DNAAF11: variants seen among roughly 807,000 people sequenced by gnomAD.
DNAAF11 encodes the protein dynein axonemal assembly factor 11, also known as leucine rich repeat containing 6.
Under a neutral mutation model 60.8 loss-of-function variants are expected in DNAAF11, and 45 were observed. That is an observed-to-expected ratio of 0.74 (90% CI 0.58 to 0.95). DNAAF11 has a LOEUF of 0.95. Among genes scored for constraint, DNAAF11 ranks in the 40% least tolerant of loss-of-function variants. DNAAF11 has a pLI of 0.00. For missense variants in DNAAF11, 546 were observed against 546.2 expected (o/e 1.00, Z 0.00); for synonymous variants, 191 against 183.5 (o/e 1.04, Z -0.33).
intron 2 of DNAAF11, among the ~76,000 whole-genome samples, chr8:132,657,770 T>C (rs1487873720): frequency 6.6e-6 from 1 of 152,194 alleles, no homozygotes; most frequent in African/African-American, 2.4e-5. Flanking sequence ...ATTTAGTATA[T>C]ATTACCTTAT....
intron 10 of DNAAF11, among the ~76,000 whole-genome samples, chr8:132,597,635 G>C (rs576579848): frequency 6.6e-6 from 1 of 152,250 alleles, no homozygotes; most frequent in South Asian, 2.1e-4. Flanking sequence ...TGCCAGGCAA[G>C]GTTTTAGAGA....
intron 11 of DNAAF11, among the ~76,000 whole-genome samples, chr8:132,576,839 C>T (rs1814799986): frequency 6.6e-6 from 1 of 152,094 alleles, no homozygotes; most frequent in South Asian, 2.1e-4. Flanking sequence ...ATCACTGAGC[C>T]CCCGCATCCC....
chr8:132,604,334 T>G (rs1817929561), intron 10 of DNAAF11, among the ~76,000 whole-genome samples: 3 of 152,208 alleles, frequency 2.0e-5, no homozygotes, highest in Non-Finnish European at 2.9e-5. Context: ...TCTGTATTAT[T>G]GACCTTAATA....
At chr8:132,607,131 G>A (rs1818214189) in intron 10 of DNAAF11, among the ~76,000 whole-genome samples, 1 of 152,148 alleles carries the variant, frequency 6.6e-6, no homozygotes, top group African/African-American at 2.4e-5. Flanking sequence ...CTCCATTCCT[G>A]GTAAGTGCTC....
At chr8:132,589,891 A>G (rs1816283202) in intron 10 of DNAAF11, among the ~76,000 whole-genome samples, 2 of 152,222 alleles carry the variant, frequency 1.3e-5, no homozygotes, top group Non-Finnish European at 1.5e-5. Flanking sequence ...CAAGTGCCCC[A>G]GAGTGGAAGA....
the DNAAF11 span, among the ~76,000 whole-genome samples, chr8:132,700,537 A>AAG: frequency 6.6e-6 from 1 of 151,850 alleles, no homozygotes. Context: ...AAAAAAAAAA[A>AAG]ATTAGCCAGA....
At chr8:132,691,069 G>A in the DNAAF11 span, among the ~76,000 whole-genome samples, 7 of 150,112 alleles carry the variant, frequency 4.7e-5, no homozygotes, top group East Asian at 5.8e-4. Flanking sequence ...CCACACTTAA[G>A]GAGTGGGAAG....
chr8:132,594,396 T>C (rs962615112), intron 10 of DNAAF11, among the ~76,000 whole-genome samples: 1 of 152,142 alleles, frequency 6.6e-6, no homozygotes, highest in Admixed American at 6.5e-5. Context: ...CTTATAGAGA[T>C]TGTGACTGGC....
upstream of DNAAF11, among the ~76,000 whole-genome samples, chr8:132,677,570 G>A (rs1255278758): frequency 3.3e-5 from 5 of 152,198 alleles, no homozygotes; most frequent in East Asian, 9.7e-4. Flanking sequence ...CTCACTCTCA[G>A]ACCTACTCAC....
upstream of DNAAF11, among the ~76,000 whole-genome samples, chr8:132,677,269 A>T (rs1825795166): frequency 6.6e-6 from 1 of 152,154 alleles, no homozygotes; most frequent in African/African-American, 2.4e-5. Flanking sequence ...AAAAGGATCT[A>T]GCTTCTAGAA....
rs746914801 is a variant in DNAAF11, at chr8:132,611,317, C to G, written c.1021G>C (p.Val341Leu). 6.2e-6 allele frequency: 10 copies of G among 1,612,056 alleles called. No individual in the cohort carries two copies. The highest frequency in any genetic ancestry group is 3.3e-5 in the South Asian group (3 of 90,986). The change falls in exon 9 of 12, where the codon GTG becomes CTG. Residue 341 changes from valine (V) to leucine (L), a missense_variant. Coordinates refer to ENST00000620350, the MANE Select transcript of DNAAF11 (RefSeq NM_012472.6). ...ACCTTTCCTTTGATCATTACTCGCA[C>G]GTAAGTTGGTTGCACATCAACATCG... is the stretch of plus-strand genomic sequence containing the variant. ...LIDVDVQPTY[V>L]RVMIKGKPFQ...
chr8:132,686,556 G>A, the DNAAF11 span, among the ~76,000 whole-genome samples: 25 of 152,240 alleles, frequency 1.6e-4, no homozygotes, highest in African/African-American at 6.0e-4. Flanking sequence ...TTATGCTATG[G>A]TGGTGGGTAT....
intron 11 of DNAAF11, among the ~76,000 whole-genome samples, chr8:132,581,304 T>A (rs953961710): frequency 1.3e-5 from 2 of 152,130 alleles, no homozygotes. Context: ...TAATTTTGAT[T>A]GTTTTAAAAT....
Position 132,610,216 on chromosome 8 carries a change from AACT to A in DNAAF11, c.1087_1089del (p.Ser364del), listed in dbSNP as rs1554679225. ...CCCGTTGTCTGAGATCTTTTAGCAGAACTACTATCGGGTTTCACTTCTGCAGGA... is the reference window on the plus strand; with the variant it reads ...CCCGTTGTCTGAGATCTTTTAGCAGAACTATCGGGTTTCACTTCTGCAGGA... On this transcript the variant is annotated inframe_deletion, in exon 10 of 12. Coordinates refer to ENST00000620350, the MANE Select transcript of DNAAF11 (RefSeq NM_012472.6). The A allele has an allele frequency of 6.2e-7, 1 of 1,614,068 alleles. No homozygotes were observed. Among genetic ancestry groups the A allele is most frequent in the South Asian group, 1.1e-5 (1 of 91,078 alleles).
In DNAAF11 at chr8:132,659,261, A is replaced by T. The variant is rs1041308540; in HGVS notation, c.178+2199T>A. On this transcript the variant is annotated intron_variant, in intron 2 of 11. Transcript: ENST00000620350. Reference sequence around the variant, plus strand: ...CTTTAGGAAAGGCAATTGCTTCACAAACTTCTACCTCAATGGCACAAGAGC... The same window carrying T: ...CTTTAGGAAAGGCAATTGCTTCACATACTTCTACCTCAATGGCACAAGAGC... 2.0e-5 allele frequency among the ~76,000 whole-genome samples: 3 copies of T among 152,292 alleles called. No homozygotes were observed. The East Asian group carries it at 5.8e-4, about 29-fold the overall frequency.
chr8:132,675,697 T>G, upstream of DNAAF11: 1 of 462,110 alleles, frequency 2.2e-6, no homozygotes. Flanking sequence ...GTGAAGGGGC[T>G]CAGCAGACAG....
Position 132,604,160 on chromosome 8 carries a change from C to A in DNAAF11, c.1140+6006G>T, listed in dbSNP as rs368389956. On this transcript the variant is annotated intron_variant, in intron 10 of 11. Transcript: ENST00000620350. ...CAGAAGTATGGATGAAACAAGAAAA[C>A]CTAGCAAGATGCCCAGGCAACACTA... Among the ~76,000 whole-genome samples the A allele has an allele frequency of 7.2e-5, 11 of 152,210 alleles. No individual in the cohort carries two copies. In the East Asian group the frequency reaches 2.1e-3, roughly 29 times the overall value.
the DNAAF11 span, among the ~76,000 whole-genome samples, chr8:132,683,407 C>T: frequency 2.6e-5 from 4 of 152,194 alleles, no homozygotes; most frequent in African/African-American, 7.2e-5. Flanking sequence ...CATTGAGGCA[C>T]GTCCTCAATG....
At chr8:132,613,181 GGA>G (rs1818832827) in intron 8 of DNAAF11, among the ~76,000 whole-genome samples, 1 of 152,204 alleles carries the variant, frequency 6.6e-6, no homozygotes. Flanking sequence ...GGAATTCTGT[GGA>G]GAGGCACACA....
Sources: gnomAD v4.1 joint callset for allele counts (sites outside exome capture counted in the v4.1 genomes callset) on GRCh38, gnomAD v4.1.1 for gene constraint, MANE v1.5 for transcripts, NCBI Gene and HGNC (gene_info 2026-07-23, HGNC 2026-07-21) for gene names.